CHRM3: variants seen among roughly 807,000 people sequenced by gnomAD.
CHRM3 encodes the protein cholinergic receptor muscarinic 3.
In CHRM3, 11 loss-of-function variants were observed where a neutral mutation model predicts 41.8. The observed-to-expected ratio is 0.26, with a 90% CI of 0.17 to 0.44. CHRM3 has a LOEUF of 0.44. CHRM3 is among the 20% of genes least tolerant of loss of function. The pLI, the probability that CHRM3 is intolerant of heterozygous loss-of-function variation, is 1.00. For synonymous variants in CHRM3, 297 were observed against 301.4 expected (o/e 0.99, Z 0.15); for missense variants, 571 against 745.4 (o/e 0.77, Z 2.72).
At position 239,915,421 on chromosome 1, in the gene CHRM3, A is replaced by G. The variant is rs1572676142; in HGVS notation, c.*6197A>G. The G allele has an allele frequency of 6.0e-6, 1 of 167,224 alleles. No homozygotes were observed. The highest frequency in any genetic ancestry group is 6.5e-5 in the Admixed American group (1 of 15,310). 10.4% of individuals were successfully genotyped at this position (167,224 alleles called of 1,614,324 possible). ...AATATTATCCCCAAGTTAACAGTGA[A>G]ATAAGTAAATAAAACTATTATTGAA... On this transcript the variant is annotated 3_prime_UTR_variant, in exon 7 of 7. Transcript: ENST00000676153.
Position 239,884,666 on chromosome 1 carries a change from G to A in CHRM3, c.-19-22767G>A, listed in dbSNP as rs150388720. 1.1e-3 allele frequency among the ~76,000 whole-genome samples: 173 copies of A among 152,236 alleles called. 3 individuals carry two copies. Among genetic ancestry groups the A allele is most frequent in the African/African-American group, 3.1e-3 (128 of 41,548 alleles). On this transcript the variant is annotated intron_variant, in intron 6 of 6. Coordinates refer to ENST00000676153, the MANE Select transcript of CHRM3 (RefSeq NM_001375978.1). ...TGGGAAAGGGTAGGAAAAATGGCTCGCCACAGACATCTTGAAATTTCTTTT... is the reference window on the plus strand; with the variant it reads ...TGGGAAAGGGTAGGAAAAATGGCTCACCACAGACATCTTGAAATTTCTTTT...
chr1:239,397,219 T>C (rs1433112612), intron 1 of CHRM3, among the ~76,000 whole-genome samples: 1 of 152,190 alleles, frequency 6.6e-6, no homozygotes, highest in African/African-American at 2.4e-5. Flanking sequence ...ATTGCAATTT[T>C]ATACTGAAAT....
chr1:239,882,150 T>A (rs7554539), intron 6 of CHRM3, among the ~76,000 whole-genome samples: 2,442 of 152,140 alleles, frequency 0.016, 77 homozygotes, highest in African/African-American at 0.056. Flanking sequence ...TCAGGTGGTC[T>A]GCCTGCCTCA....
intron 3 of CHRM3, among the ~76,000 whole-genome samples, chr1:239,608,648 A>G (rs927088667): frequency 6.6e-6 from 1 of 152,184 alleles, no homozygotes; most frequent in Non-Finnish European, 1.5e-5. Context: ...AGTGCCATAG[A>G]ATGACAATGG....
At chr1:239,631,654 G>A (rs545912234) in intron 3 of CHRM3, among the ~76,000 whole-genome samples, 1 of 152,296 alleles carries the variant, frequency 6.6e-6, no homozygotes, top group Admixed American at 6.5e-5. Flanking sequence ...TAGCTGTCAG[G>A]CTCAGTACAC....
chr1:239,779,841 C>T (rs1668380593), intron 5 of CHRM3, among the ~76,000 whole-genome samples: 1 of 152,212 alleles, frequency 6.6e-6, no homozygotes, highest in African/African-American at 2.4e-5. Context: ...TTACTGTCTC[C>T]ATATATTTGC....
chr1:239,584,925 C>G (rs1663258937), intron 3 of CHRM3, among the ~76,000 whole-genome samples: 1 of 152,088 alleles, frequency 6.6e-6, no homozygotes. Context: ...ACTGAGATAT[C>G]AGTATCATAA....
chr1:239,475,472 C>T (rs148054536), intron 1 of CHRM3, among the ~76,000 whole-genome samples: 160 of 152,146 alleles, frequency 1.1e-3, no homozygotes, highest in African/African-American at 3.7e-3. Flanking sequence ...TAAGAAATTA[C>T]CTGACTAATA....
intron 1 of CHRM3, among the ~76,000 whole-genome samples, chr1:239,443,851 T>C (rs1663919189): frequency 6.6e-6 from 1 of 152,110 alleles, no homozygotes; most frequent in Non-Finnish European, 1.5e-5. Context: ...TCAGAGAAAA[T>C]TGGAGAAACA....
intron 1 of CHRM3, among the ~76,000 whole-genome samples, chr1:239,388,424 G>C (rs1484773106): frequency 6.6e-6 from 1 of 152,044 alleles, no homozygotes; most frequent in Non-Finnish European, 1.5e-5. Flanking sequence ...ACCTTTGTAG[G>C]TTACTATTTG....
At chr1:239,404,664 T>C (rs1217847616) in intron 1 of CHRM3, among the ~76,000 whole-genome samples, 1 of 145,992 alleles carries the variant, frequency 6.8e-6, no homozygotes, top group African/African-American at 2.5e-5. Context: ...AACTCAGATG[T>C]CCGCTGGAAA....
chr1:239,797,544 T>G lies in CHRM3; in HGVS notation c.-146-29708T>G, dbSNP rs370464862. Among the ~76,000 whole-genome samples, 3 of 152,302 alleles carry G rather than the reference T, an allele frequency of 2.0e-5. No homozygotes were observed. The East Asian group carries it at 5.8e-4, about 29-fold the overall frequency. ...TGACTTTATGTGTTTGATGACTGTT[T>G]CTCAGTGTGTAGCGTACAAAAGAGC... On this transcript the variant is annotated intron_variant, in intron 5 of 6. Coordinates refer to ENST00000676153, the MANE Select transcript of CHRM3 (RefSeq NM_001375978.1).
At chr1:239,870,046 A>C (rs1325866227) in intron 6 of CHRM3, among the ~76,000 whole-genome samples, 1 of 152,100 alleles carries the variant, frequency 6.6e-6, no homozygotes, top group Non-Finnish European at 1.5e-5. Flanking sequence ...CCGTTCTGCA[A>C]TTCTTATGAG....
At chr1:239,835,644 C>T (rs567933714) in intron 6 of CHRM3, among the ~76,000 whole-genome samples, 4 of 152,224 alleles carry the variant, frequency 2.6e-5, no homozygotes, top group African/African-American at 4.8e-5. Context: ...CAACTTAGTG[C>T]GTTAGGAAGA....
chr1:239,661,022 C>A (rs1271385288), intron 4 of CHRM3, among the ~76,000 whole-genome samples: 1 of 152,154 alleles, frequency 6.6e-6, no homozygotes, highest in African/African-American at 2.4e-5. Flanking sequence ...CTTTTACAAA[C>A]AGGGAAACTG....
chr1:239,711,692 C>CT (rs542108732), intron 5 of CHRM3, among the ~76,000 whole-genome samples: 7,859 of 138,722 alleles, frequency 0.057, 337 homozygotes, highest in East Asian at 0.11. Flanking sequence ...TCTCTCTCTG[C>CT]TTTTTTTTTT....
chr1:239,416,922 G>A (rs1661545622), intron 1 of CHRM3, among the ~76,000 whole-genome samples: 1 of 152,188 alleles, frequency 6.6e-6, no homozygotes, highest in African/African-American at 2.4e-5. Context: ...GAACATGATA[G>A]CAAAGATGGC....
chr1:239,467,426 C>T (rs530206922), intron 1 of CHRM3, among the ~76,000 whole-genome samples: 4 of 152,058 alleles, frequency 2.6e-5, no homozygotes, highest in East Asian at 3.9e-4. Flanking sequence ...CTCAGCCTCC[C>T]GAGTAGCTGG....
intron 5 of CHRM3, among the ~76,000 whole-genome samples, chr1:239,746,556 G>C (rs1665373827): frequency 6.6e-6 from 1 of 152,124 alleles, no homozygotes; most frequent in Admixed American, 6.5e-5. Context: ...GTATCTCATA[G>C]AAAGTTTAAA....
Sources: allele counts gnomAD v4.1 joint callset (sites outside exome capture counted in the v4.1 genomes callset), GRCh38; gene constraint gnomAD v4.1.1; transcripts MANE v1.5; gene names NCBI Gene and HGNC (gene_info 2026-07-23, HGNC 2026-07-21).